The following CFAP96 variants were observed in gnomAD, a reference collection of about 807,000 sequenced individuals.
The protein encoded by CFAP96 is cilia-and flagella-associated protein 96.
the CFAP96 span, among the ~76,000 whole-genome samples, chr4:185,421,720 C>T: frequency 6.6e-6 from 1 of 152,198 alleles, no homozygotes; most frequent in African/African-American, 2.4e-5. Flanking sequence ...AGATGCAAAA[C>T]AGACTAATAC....
At chr4:185,437,285 A>C in the CFAP96 span, among the ~76,000 whole-genome samples, 2 of 152,242 alleles carry the variant, frequency 1.3e-5, no homozygotes, top group Non-Finnish European at 1.5e-5. Context: ...TTGACTTGTA[A>C]TGAGACCTGT....
chr4:185,443,439 GTTCAA>G, the CFAP96 span, among the ~76,000 whole-genome samples: 2 of 144,678 alleles, frequency 1.4e-5, no homozygotes, highest in Admixed American at 1.4e-4. Flanking sequence ...TGCCTCCCAG[GTTCAA>G]TTCAAGCGAT....
chr4:185,410,774 A>G, the CFAP96 span, among the ~76,000 whole-genome samples: 1 of 151,922 alleles, frequency 6.6e-6, no homozygotes. Context: ...GTGAAACCCC[A>G]TCTCTACTAA....
chr4:185,441,678 AAAG>A, the CFAP96 span, among the ~76,000 whole-genome samples: 1,485 of 151,640 alleles, frequency 9.8e-3, 33 homozygotes, highest in African/African-American at 0.034. Flanking sequence ...TTTTTAATTA[AAAG>A]AAATTAATAA....
At chr4:185,445,608 A>C in the CFAP96 span, 4 of 1,029,218 alleles carry the variant, frequency 3.9e-6, no homozygotes, top group African/African-American at 6.6e-5. Flanking sequence ...TTTGAGAAAA[A>C]GTATATTATC....
chr4:185,410,358 TAAGA>T, the CFAP96 span, among the ~76,000 whole-genome samples: 7 of 151,960 alleles, frequency 4.6e-5, no homozygotes, highest in Admixed American at 6.6e-5. Context: ...CATTAGAAAA[TAAGA>T]AAGCTGTCCA....
chr4:185,422,186 G>A, the CFAP96 span, among the ~76,000 whole-genome samples: 1 of 152,178 alleles, frequency 6.6e-6, no homozygotes, highest in Non-Finnish European at 1.5e-5. Flanking sequence ...TACAATTCTC[G>A]ACGCACATTT....
the CFAP96 span, chr4:185,422,677 A>C: frequency 1.4e-6 from 1 of 740,542 alleles, no homozygotes; most frequent in South Asian, 2.2e-5. Flanking sequence ...GATTCTTCAA[A>C]TTATTTCATG....
chr4:185,409,043 G>C, the CFAP96 span, among the ~76,000 whole-genome samples: 677 of 152,212 alleles, frequency 4.4e-3, 4 homozygotes, highest in African/African-American at 0.015. Flanking sequence ...TACATACACT[G>C]TGTCTTATCC....
chr4:185,415,640 G>A, the CFAP96 span: 1 of 1,333,126 alleles, frequency 7.5e-7, no homozygotes, highest in South Asian at 1.3e-5. Flanking sequence ...TATACCTACA[G>A]GATATACAAA....
the CFAP96 span, among the ~76,000 whole-genome samples, chr4:185,421,286 G>A: frequency 6.6e-6 from 1 of 152,178 alleles, no homozygotes; most frequent in Non-Finnish European, 1.5e-5. Flanking sequence ...AGTAAAGGAT[G>A]GCCAGCTGCA....
chr4:185,408,543 T>C, the CFAP96 span: 1 of 1,144,258 alleles, frequency 8.7e-7, no homozygotes, highest in African/African-American at 1.6e-5. Flanking sequence ...ACTGTTACTT[T>C]AGTTCCTTAT....
At chr4:185,449,718 A>C in the CFAP96 span, 3 of 1,046,208 alleles carry the variant, frequency 2.9e-6, no homozygotes, top group Admixed American at 6.3e-5. Context: ...ATTTGAAAAA[A>C]TATAAGATGT....
the CFAP96 span, among the ~76,000 whole-genome samples, chr4:185,410,066 A>G: frequency 6.6e-6 from 1 of 152,230 alleles, no homozygotes; most frequent in East Asian, 1.9e-4. Flanking sequence ...GGGAACAAAT[A>G]CAAGTTTCAA....
At chr4:185,436,433 C>G in the CFAP96 span, 3 of 1,128,852 alleles carry the variant, frequency 2.7e-6, no homozygotes, top group Non-Finnish European at 3.9e-6. Context: ...CACTTGAGGC[C>G]GGGCACGGTG....
the CFAP96 span, chr4:185,425,903 C>A: frequency 1.3e-6 from 2 of 1,585,364 alleles, no homozygotes; most frequent in African/African-American, 2.7e-5. Context: ...GCGCTGACGC[C>A]TGCCCAAAAG....
the CFAP96 span, among the ~76,000 whole-genome samples, chr4:185,441,889 C>A: frequency 6.6e-6 from 1 of 151,936 alleles, no homozygotes. Flanking sequence ...TAGCATTGTA[C>A]ACTTTAAATG....
chr4:185,440,984 T>C, the CFAP96 span, among the ~76,000 whole-genome samples: 1 of 151,004 alleles, frequency 6.6e-6, no homozygotes, highest in Non-Finnish European at 1.5e-5. Context: ...GGAGTCTCAC[T>C]CTTTGCCCGG....
the CFAP96 span, chr4:185,449,485 T>G: frequency 1.6e-6 from 1 of 639,710 alleles, no homozygotes; most frequent in South Asian, 2.3e-5. Flanking sequence ...ATTGCACCAC[T>G]GCACTCCAGC....
Sources: gnomAD v4.1 joint callset for allele counts (sites outside exome capture counted in the v4.1 genomes callset) on GRCh38, gnomAD v4.1.1 for gene constraint, MANE v1.5 for transcripts, NCBI Gene and HGNC (gene_info 2026-07-23, HGNC 2026-07-21) for gene names.